RNF111: variants seen among roughly 807,000 people sequenced by gnomAD.
RNF111 encodes E3 ubiquitin-protein ligase Arkadia.
RNF111 carries 17 observed loss-of-function variants against 95.1 expected under a neutral mutation model. The ratio of observed to expected loss-of-function variants is 0.18; its 90% CI spans 0.12 to 0.27. The LOEUF is 0.27. RNF111 is among the 10% of genes least tolerant of loss of function. The pLI is 1.00. For synonymous variants in RNF111, 440 were observed against 414.8 expected, an observed-to-expected ratio of 1.06 and a Z score of -0.74; for missense variants, 1,189 against 1,210.4, an observed-to-expected ratio of 0.98 and a Z score of 0.26.
At position 59,058,460 on chromosome 15, in the gene RNF111, G is replaced by T. The variant is rs1329365191; in HGVS notation, c.1276G>T (p.Ala426Ser). 1 of 1,614,066 alleles carries T rather than the reference G, an allele frequency of 6.2e-7. No individual in the cohort carries two copies. The highest frequency in any genetic ancestry group is 1.7e-5 in the Admixed American group (1 of 60,016). The change falls in exon 5 of 14, where the codon GCT becomes TCT. Residue 426 changes from alanine to serine, a missense_variant. Physicochemically the swap from Ala to Ser is moderately conservative, Grantham distance 99. Coordinates refer to ENST00000348370, the MANE Select transcript of RNF111 (RefSeq NM_017610.8). The stretch of plus-strand genomic sequence containing the variant: ...TACCTCTGAGCAGGCCTCTGATACT[G>T]CTTCAGCTGTCACCAGTAGCCAACC... ...PSTSEQASDT[A>S]SAVTSSQPST... is the part of the protein sequence containing the mutation.
At chr15:59,074,008 C>G (rs1389457995) in intron 6 of RNF111, among the ~76,000 whole-genome samples, 8 of 152,000 alleles carry the variant, frequency 5.3e-5, no homozygotes, top group African/African-American at 2.4e-5. Flanking sequence ...TTTCTTTTTT[C>G]TTTTTTGAGA....
intron 12 of RNF111, 140 bp from the exon 13 acceptor site, chr15:59,092,397 A>C: frequency 1.4e-6 from 1 of 720,842 alleles, no homozygotes; most frequent in Non-Finnish European, 2.1e-6. Flanking sequence ...CCATTTATTT[A>C]TGACAGTCTT....
intron 4 of RNF111, among the ~76,000 whole-genome samples, chr15:59,058,137 C>T (rs189934079): frequency 2.6e-5 from 4 of 152,262 alleles, no homozygotes; most frequent in East Asian, 3.9e-4. Context: ...ATAAGCATAT[C>T]GGTGTTGGAT....
chr15:59,042,195 C>T (rs1431614730), intron 2 of RNF111, among the ~76,000 whole-genome samples: 1 of 151,900 alleles, frequency 6.6e-6, no homozygotes, highest in South Asian at 2.1e-4. Context: ...ATTGCTGCCT[C>T]GGCTCATTGC....
intron 1 of RNF111, among the ~76,000 whole-genome samples, chr15:59,029,865 T>A (rs28478284): frequency 3.9e-4 from 60 of 152,356 alleles, no homozygotes; most frequent in African/African-American, 9.9e-4. Context: ...AATATGTGTG[T>A]ATGCTATACT....
At chr15:59,043,009 A>G (rs1368113197) in intron 2 of RNF111, among the ~76,000 whole-genome samples, 1 of 152,132 alleles carries the variant, frequency 6.6e-6, no homozygotes, top group Non-Finnish European at 1.5e-5. Context: ...ATTCCAGAAT[A>G]TGGGATGTCT....
intron 1 of RNF111, among the ~76,000 whole-genome samples, chr15:59,015,105 C>G (rs1184516964): frequency 6.6e-6 from 1 of 152,002 alleles, no homozygotes; most frequent in Non-Finnish European, 1.5e-5. Flanking sequence ...TGCTATTTAG[C>G]CTTAGTTTTA....
At chr15:59,031,864 T>C in intron 2 of RNF111, among the ~76,000 whole-genome samples, 162 bp downstream of exon 2, 1 of 152,230 alleles carries the variant, frequency 6.6e-6, no homozygotes, top group Admixed American at 6.5e-5. Context: ...AAACCATGAC[T>C]CTAATGCTAA....
intron 7 of RNF111, among the ~76,000 whole-genome samples, chr15:59,079,069 G>C (rs1280305326): frequency 3.3e-5 from 5 of 152,150 alleles, no homozygotes; most frequent in African/African-American, 1.2e-4. Context: ...TAGAGGAAGG[G>C]AAAGGGTTTT....
At chr15:59,094,190 C>T (rs1222642810) in intron 13 of RNF111, among the ~76,000 whole-genome samples, 1 of 152,054 alleles carries the variant, frequency 6.6e-6, no homozygotes, top group African/African-American at 2.4e-5. Flanking sequence ...GTGTATATAA[C>T]AATTATTCCG....
At chr15:58,991,829 T>C (rs2038830335) in intron 1 of RNF111, among the ~76,000 whole-genome samples, 1 of 152,232 alleles carries the variant, frequency 6.6e-6, no homozygotes, top group South Asian at 2.1e-4. Context: ...AATATGTTGG[T>C]GTTGTTTAAA....
At chr15:59,052,026 C>A (rs1402892476) in intron 2 of RNF111, among the ~76,000 whole-genome samples, 1 of 151,970 alleles carries the variant, frequency 6.6e-6, no homozygotes, top group Non-Finnish European at 1.5e-5. Context: ...TATATAAGAT[C>A]TTACAAATCA....
At chr15:59,042,061 A>G (rs1187142784) in intron 2 of RNF111, among the ~76,000 whole-genome samples, 3 of 147,916 alleles carry the variant, frequency 2.0e-5, no homozygotes, top group Admixed American at 6.9e-5. Context: ...TGTAAGTCCT[A>G]TATAATACAC....
rs553580901 is a variant in RNF111, at chr15:59,036,356, C to T, written c.880+4654C>T. 5.9e-5 allele frequency among the ~76,000 whole-genome samples: 9 copies of T among 152,182 alleles called. No homozygotes were observed. In the South Asian group the frequency reaches 8.3e-4, roughly 14 times the overall value. On this transcript the variant is annotated intron_variant, in intron 2 of 13. Transcript: ENST00000348370. ...GATTACAGGTTTGAGCCACCGCACC[C>T]GGCCAAGACTGGTAACTTATAAAGG...
intron 1 of RNF111, among the ~76,000 whole-genome samples, chr15:58,997,419 A>T (rs115447366): frequency 2.0e-3 from 301 of 152,248 alleles, no homozygotes; most frequent in African/African-American, 6.7e-3. Flanking sequence ...TGCAAAAAAC[A>T]GTGGTGCATT....
At position 59,076,043 on chromosome 15, in the gene RNF111, C is replaced by T. The variant is rs913784268; in HGVS notation, c.1776C>T (p.Cys592=). Residue 592 remains cysteine (C), a synonymous_variant, in exon 7 of 14, where the codon TGC becomes TGT. Transcript: ENST00000348370. ...GAGCATCTGCATTTGACCCCTGCTG[C>T]CCTGTTTCTTCCTCCCGAGCTGCAA... The part of the protein sequence containing the change: ...FHGASAFDPC[C]PVSSSRAAIF... 2.5e-6 allele frequency: 4 copies of T among 1,614,106 alleles called. No individual in the cohort carries two copies. Among genetic ancestry groups the T allele is most frequent in the African/African-American group, 2.7e-5 (2 of 74,928 alleles).
intron 1 of RNF111, among the ~76,000 whole-genome samples, chr15:59,015,710 A>T (rs1348196461): frequency 6.6e-6 from 1 of 151,394 alleles, no homozygotes; most frequent in Admixed American, 6.6e-5. Context: ...TTTGAAGTGA[A>T]TATTCTTCGC....
chr15:59,096,131 C>T lies in RNF111; in HGVS notation c.*1231C>T, dbSNP rs758480558. 1.0e-5 allele frequency: 4 copies of T among 398,284 alleles called. No homozygotes were observed. The highest frequency in any genetic ancestry group is 1.8e-5 in the Non-Finnish European group (4 of 225,710). The allele number at this position is 398,284 out of a possible 1,614,324, so 24.7% of individuals were successfully genotyped here. ...TTTTAATTTCTATAGTTAAGATTTA[C>T]TGCATAATATAGAATATAAAGTTAA... On this transcript the variant is annotated 3_prime_UTR_variant, in exon 14 of 14. Coordinates refer to ENST00000348370, the MANE Select transcript of RNF111 (RefSeq NM_017610.8).
At chr15:59,050,797 C>A (rs1480012845) in intron 2 of RNF111, among the ~76,000 whole-genome samples, 1 of 152,006 alleles carries the variant, frequency 6.6e-6, no homozygotes, top group Non-Finnish European at 1.5e-5. Context: ...TGTGTTATAC[C>A]CTTTTAGCAA....
Sources: allele counts gnomAD v4.1 joint callset (sites outside exome capture counted in the v4.1 genomes callset), GRCh38; gene constraint gnomAD v4.1.1; transcripts MANE v1.5; gene names NCBI Gene and HGNC (gene_info 2026-07-23, HGNC 2026-07-21).